The following APLF variants were observed in gnomAD, a reference collection of about 807,000 sequenced individuals.
APLF encodes the protein aprataxin and PNKP like factor.
APLF carries 61 observed loss-of-function variants against 55.6 expected under a neutral mutation model. The observed-to-expected ratio is 1.10, with a 90% confidence interval of 0.89 to 1.36. APLF has a LOEUF of 1.36. Among genes scored for constraint, APLF ranks in the 40% most tolerant of loss-of-function variants. The pLI is 0.00. For synonymous variants in APLF, 207 were observed against 214.8 expected, an observed-to-expected ratio of 0.96 and a Z score of 0.32; for missense variants, 611 against 602.5, an observed-to-expected ratio of 1.01 and a Z score of -0.15.
At chr2:68,506,447 G>A (rs1399580573) in intron 3 of APLF, among the ~76,000 whole-genome samples, 3 of 151,738 alleles carry the variant, frequency 2.0e-5, no homozygotes, top group Non-Finnish European at 2.9e-5. Context: ...ATATCGTTGG[G>A]GTTTTCCTGT....
At chr2:68,493,834 C>T (rs574744259) in intron 2 of APLF, among the ~76,000 whole-genome samples, 4 of 151,632 alleles carry the variant, frequency 2.6e-5, no homozygotes, top group South Asian at 2.1e-4. Context: ...CGTGGCCAGG[C>T]GCGGTGGCTC....
chr2:68,481,699 A>G (rs561756477), intron 1 of APLF, among the ~76,000 whole-genome samples: 3 of 152,170 alleles, frequency 2.0e-5, no homozygotes, highest in African/African-American at 7.2e-5. Flanking sequence ...TAGGTTTTCT[A>G]TGCCTTTTCC....
intron 6 of APLF, among the ~76,000 whole-genome samples, chr2:68,530,989 AT>A (rs1670238228): frequency 6.6e-6 from 1 of 152,178 alleles, no homozygotes; most frequent in Admixed American, 6.5e-5. Flanking sequence ...TTGTTCTCAG[AT>A]TGCATTTAAC....
intron 5 of APLF, chr2:68,515,884 C>A: frequency 2.3e-6 from 1 of 432,662 alleles, no homozygotes; most frequent in Non-Finnish European, 3.1e-6. Context: ...TAGACTTATT[C>A]TGTGGTGCTG....
At chr2:68,523,353 A>T (rs1206914921) in intron 5 of APLF, among the ~76,000 whole-genome samples, 1 of 151,994 alleles carries the variant, frequency 6.6e-6, no homozygotes, top group African/African-American at 2.4e-5. Context: ...GGAGGTATAA[A>T]TTAGTATAGC....
At chr2:68,473,566 T>C (rs1211362252) in intron 1 of APLF, among the ~76,000 whole-genome samples, 1 of 152,216 alleles carries the variant, frequency 6.6e-6, no homozygotes, top group Admixed American at 6.5e-5. Flanking sequence ...AGTAATAGTA[T>C]GTTTAGTGTT....
At chr2:68,559,048 A>T (rs186881494) in intron 8 of APLF, among the ~76,000 whole-genome samples, 1 of 152,306 alleles carries the variant, frequency 6.6e-6, no homozygotes, top group East Asian at 1.9e-4. Context: ...TGACAAAGTG[A>T]TAAAGTGTTT....
At chr2:68,517,920 A>G (rs1558538973) in intron 5 of APLF, among the ~76,000 whole-genome samples, 2 of 144,042 alleles carry the variant, frequency 1.4e-5, no homozygotes, top group Admixed American at 7.1e-5. Flanking sequence ...TTATATCACT[A>G]ATATGTGTTA....
chr2:68,571,999 A>T (rs1029272528), intron 9 of APLF, among the ~76,000 whole-genome samples: 1 of 152,104 alleles, frequency 6.6e-6, no homozygotes, highest in East Asian at 1.9e-4. Context: ...ACTGATAGCT[A>T]CTTTAAGGTT....
rs1228535990 is a variant in APLF at position 68,517,297 on chromosome 2, TC to T, written c.622+3618del. Reference sequence around the variant, plus strand: ...TTACTATATAATATATTAATATATGTCATTACTATATAATATATTAATATAT... The same window carrying T: ...TTACTATATAATATATTAATATATGTATTACTATATAATATATTAATATAT... On this transcript the variant is annotated intron_variant, in intron 5 of 9. Coordinates refer to ENST00000303795, the MANE Select transcript of APLF (RefSeq NM_173545.3). Among the ~76,000 whole-genome samples the T allele has an allele frequency of 7.4e-3, 899 of 121,782 alleles. 16 individuals are homozygous for T. Among genetic ancestry groups the T allele is most frequent in the African/African-American group, 0.029 (850 of 29,688 alleles). 79.9% of individuals were successfully genotyped at this position (121,782 alleles called of 152,430 possible). A position where few individuals can be genotyped will look rare whatever the true frequency, so the allele number is the denominator to read the frequency against.
chr2:68,476,376 G>T (rs896732026), intron 1 of APLF, among the ~76,000 whole-genome samples: 1 of 151,560 alleles, frequency 6.6e-6, no homozygotes, highest in Non-Finnish European at 1.5e-5. Flanking sequence ...TCAGCTACTT[G>T]GGAGGCGGAG....
chr2:68,556,539 G>C (rs1292141602), intron 8 of APLF, among the ~76,000 whole-genome samples: 6 of 152,140 alleles, frequency 3.9e-5, no homozygotes, highest in African/African-American at 1.4e-4. Flanking sequence ...GACTCATTCA[G>C]TTCCTCTGAT....
chr2:68,574,110 A>G (rs1025261373), intron 9 of APLF, among the ~76,000 whole-genome samples: 2 of 151,900 alleles, frequency 1.3e-5, no homozygotes, highest in African/African-American at 2.4e-5. Context: ...GCTTTCTAAG[A>G]TAAATTTACT....
chr2:68,500,318 A>G (rs1676681534), intron 2 of APLF, among the ~76,000 whole-genome samples: 1 of 152,218 alleles, frequency 6.6e-6, no homozygotes, highest in African/African-American at 2.4e-5. Context: ...ATGATCATGG[A>G]CCATACTCAT....
intron 8 of APLF, among the ~76,000 whole-genome samples, chr2:68,546,249 TA>T (rs1426194877): frequency 6.6e-6 from 1 of 152,094 alleles, no homozygotes; most frequent in East Asian, 1.9e-4. Context: ...AAAATTGAGT[TA>T]ATATAAGAGA....
At chr2:68,472,418 C>T (rs892878230) in intron 1 of APLF, among the ~76,000 whole-genome samples, 3 of 151,988 alleles carry the variant, frequency 2.0e-5, no homozygotes, top group Admixed American at 6.6e-5. Flanking sequence ...AAGTAAGTCA[C>T]GTTATACAGG....
chr2:68,467,826 G>C lies in APLF; in HGVS notation c.95G>C (p.Gly32Ala), dbSNP rs1195761841. The change falls in exon 1 of 10, where the codon GGA becomes GCA. Residue 32 changes from glycine to alanine, a missense_variant and splice_region_variant. Coordinates refer to ENST00000303795, the MANE Select transcript of APLF (RefSeq NM_173545.3). ...ETVIGRGPLL[G>A]ITDKRVSRRH... ...GTGATCGGCCGCGGGCCGCTGCTGG[G>C]AGTAAGTGTGGGCGGGGGCTTAGCG... 6 of 1,232,772 alleles carry C rather than the reference G, an allele frequency of 4.9e-6. No homozygotes were observed. In the African/African-American group the frequency reaches 9.3e-5, roughly 19 times the overall value. 76.4% of individuals were successfully genotyped at this position (1,232,772 alleles called of 1,614,324 possible).
intron 5 of APLF, among the ~76,000 whole-genome samples, chr2:68,521,074 TTTTG>T (rs374426866): frequency 1.7e-4 from 26 of 151,942 alleles, no homozygotes; most frequent in South Asian, 4.1e-4. Context: ...TTTGTTTTTG[TTTTG>T]TTTGTTTGTT....
chr2:68,563,016 C>A, intron 8 of APLF: 1 of 965,036 alleles, frequency 1.0e-6, no homozygotes, highest in Non-Finnish European at 1.2e-6. Context: ...AATTTTTGAG[C>A]CTGTCATAGA....
Sources: gnomAD v4.1 joint callset for allele counts (sites outside exome capture counted in the v4.1 genomes callset) on GRCh38, gnomAD v4.1.1 for gene constraint, MANE v1.5 for transcripts, NCBI Gene and HGNC (gene_info 2026-07-23, HGNC 2026-07-21) for gene names.